The following SUMF1 variants were observed in gnomAD, a reference collection of about 807,000 sequenced individuals.
SUMF1 encodes the protein sulfatase modifying factor 1, also known as formylglycine-generating enzyme.
SUMF1 carries 48 observed loss-of-function variants against 47.6 expected under a neutral mutation model. The observed-to-expected ratio is 1.01, with a 90% CI of 0.80 to 1.28. The LOEUF is 1.28. SUMF1 is among the 50% of genes most tolerant of loss of function. The pLI, the probability that SUMF1 is intolerant of heterozygous loss-of-function variation, is 0.00. For missense variants in SUMF1, 571 were observed against 485.4 expected, an observed-to-expected ratio of 1.18 and a Z score of -1.66; for synonymous variants, 230 against 192.1, an observed-to-expected ratio of 1.20 and a Z score of -1.63.
chr3:4,391,093 T>G (rs1487562280), intron 7 of SUMF1, among the ~76,000 whole-genome samples: 1 of 152,214 alleles, frequency 6.6e-6, no homozygotes. Flanking sequence ...TGTCACACCA[T>G]CATCCTCTGG....
intron 8 of SUMF1, among the ~76,000 whole-genome samples, chr3:4,132,664 G>C (rs1164941401): frequency 6.6e-6 from 1 of 152,066 alleles, no homozygotes; most frequent in African/African-American, 2.4e-5. Context: ...CTGCCACCAG[G>C]AGACACGATT....
rs200461780 is a variant in SUMF1, at chr3:4,217,513, T to TATATATATATATATATATA, written c.1015-148769_1015-148768insTATATATATATATATATAT. On this transcript the variant is annotated intron_variant and NMD_transcript_variant, in intron 8 of 12. Transcript: ENST00000448413. ...ATGTATCCCAGAACTTAAAGTATTT[T>TATATATATATATATATATA]TTATATATATATATATATATATATA... is the stretch of plus-strand genomic sequence containing the variant. Among the ~76,000 whole-genome samples the TATATATATATATATATATA allele has an allele frequency of 2.1e-4, 15 of 72,646 alleles. 2 individuals are homozygous for TATATATATATATATATATA. The highest frequency in any genetic ancestry group is 9.8e-4 in the African/African-American group (12 of 12,250). The allele number at this position is 72,646 out of a possible 152,430, so 47.7% of individuals were successfully genotyped here. A position where few individuals can be genotyped will look rare whatever the true frequency, so the allele number is the denominator to read the frequency against.
At chr3:4,114,806 T>C (rs779976349) in intron 8 of SUMF1, among the ~76,000 whole-genome samples, 1 of 152,190 alleles carries the variant, frequency 6.6e-6, no homozygotes, top group Non-Finnish European at 1.5e-5. Context: ...ACAAGTTCAG[T>C]TCACAAATGA....
chr3:4,151,389 G>GTA (rs1232483857), intron 8 of SUMF1, among the ~76,000 whole-genome samples: 1 of 105,788 alleles, frequency 9.5e-6, no homozygotes, highest in African/African-American at 3.7e-5. Context: ...GTATATATAT[G>GTA]TATATATATG....
At chr3:4,368,302 A>G (rs1489292610) in intron 8 of SUMF1, among the ~76,000 whole-genome samples, 1 of 152,202 alleles carries the variant, frequency 6.6e-6, no homozygotes. Flanking sequence ...ATCTCACACC[A>G]GTTAGAATGG....
At chr3:4,426,823 T>C (rs1475163504) in intron 3 of SUMF1, among the ~76,000 whole-genome samples, 1 of 152,092 alleles carries the variant, frequency 6.6e-6, no homozygotes. Flanking sequence ...CTCCCTTATA[T>C]CCAGAGGAAA....
intron 8 of SUMF1, among the ~76,000 whole-genome samples, chr3:4,099,795 T>C (rs749518557): frequency 1.3e-5 from 2 of 151,716 alleles, no homozygotes; most frequent in Non-Finnish European, 2.9e-5. Flanking sequence ...ATCAGCAGTG[T>C]TTCTATACAC....
intron 1 of SUMF1, among the ~76,000 whole-genome samples, chr3:4,465,875 A>C (rs1259144161): frequency 6.6e-6 from 1 of 152,152 alleles, no homozygotes; most frequent in Non-Finnish European, 1.5e-5. Flanking sequence ...GGAGAGAAAG[A>C]GGAGATCAGG....
At chr3:4,238,127 G>A (rs771444282) in intron 8 of SUMF1, among the ~76,000 whole-genome samples, 1 of 152,114 alleles carries the variant, frequency 6.6e-6, no homozygotes, top group Non-Finnish European at 1.5e-5. Flanking sequence ...TTTTATGGCT[G>A]CATAGTATTC....
chr3:4,071,065 T>C (rs1487896003), intron 8 of SUMF1, among the ~76,000 whole-genome samples: 1 of 152,154 alleles, frequency 6.6e-6, no homozygotes, highest in Non-Finnish European at 1.5e-5. Flanking sequence ...GAATAATACA[T>C]ATATATTTGT....
chr3:4,074,393 A>T (rs1460829852), intron 8 of SUMF1, among the ~76,000 whole-genome samples: 1 of 152,170 alleles, frequency 6.6e-6, no homozygotes, highest in East Asian at 1.9e-4. Context: ...AGCAGGAAAG[A>T]TCTAAAATCA....
chr3:4,050,821 T>C (rs779881823), intron 9 of SUMF1, among the ~76,000 whole-genome samples: 42 of 149,626 alleles, frequency 2.8e-4, no homozygotes, highest in Middle Eastern at 3.6e-3. Flanking sequence ...ATGATGTACA[T>C]GAAAGCACCC....
chr3:4,073,025 C>G (rs535389014), intron 8 of SUMF1, among the ~76,000 whole-genome samples: 1 of 152,228 alleles, frequency 6.6e-6, no homozygotes, highest in East Asian at 1.9e-4. Flanking sequence ...CCCAAAGAGA[C>G]AAAACCATCC....
At chr3:4,301,290 G>A (rs1697958336) in intron 8 of SUMF1, among the ~76,000 whole-genome samples, 1 of 152,182 alleles carries the variant, frequency 6.6e-6, no homozygotes, top group Admixed American at 6.5e-5. Context: ...AATGTCAACA[G>A]AACAAGGGGT....
intron 8 of SUMF1, among the ~76,000 whole-genome samples, chr3:4,097,413 C>T (rs1351067982): frequency 1.3e-5 from 2 of 151,866 alleles, no homozygotes; most frequent in African/African-American, 2.4e-5. Flanking sequence ...ATTAGCCAGG[C>T]GTGGGGGCAG....
chr3:4,085,785 T>A (rs1433462107), intron 8 of SUMF1, among the ~76,000 whole-genome samples: 1 of 152,130 alleles, frequency 6.6e-6, no homozygotes, highest in South Asian at 2.1e-4. Context: ...GTTGTTTTAA[T>A]ATAAAGCCCA....
intron 3 of SUMF1, among the ~76,000 whole-genome samples, chr3:4,424,836 G>A (rs192998076): frequency 6.6e-6 from 1 of 152,324 alleles, no homozygotes; most frequent in Admixed American, 6.5e-5. Context: ...GAAGGATCAG[G>A]AGAGTACTAT....
intron 8 of SUMF1, among the ~76,000 whole-genome samples, chr3:4,265,315 A>G (rs1203190118): frequency 6.6e-6 from 1 of 152,122 alleles, no homozygotes; most frequent in Non-Finnish European, 1.5e-5. Context: ...CCTTTAGCTT[A>G]GAGATCACAA....
intron 8 of SUMF1, among the ~76,000 whole-genome samples, chr3:4,253,986 C>A (rs887323007): frequency 1.3e-5 from 2 of 150,944 alleles, no homozygotes; most frequent in Non-Finnish European, 3.0e-5. Flanking sequence ...CTGGGAGGCA[C>A]CCCCCAGCAA....
Sources: allele counts gnomAD v4.1 joint callset (sites outside exome capture counted in the v4.1 genomes callset), GRCh38; gene constraint gnomAD v4.1.1; transcripts MANE v1.5; gene names NCBI Gene and HGNC (gene_info 2026-07-23, HGNC 2026-07-21).